UBE2A: variants seen among roughly 807,000 people sequenced by gnomAD.
UBE2A encodes ubiquitin-conjugating enzyme E2 A.
For missense variants in UBE2A, 27 were observed against 125.8 expected (o/e 0.21, Z 3.76); for synonymous variants, 39 against 41.1 (o/e 0.95, Z 0.20).
intron 3 of UBE2A, among the ~76,000 whole-genome samples, chrX:119,576,540 G>A (rs1167004846): frequency 9.0e-6 from 1 of 111,260 alleles, no homozygotes; most frequent in Non-Finnish European, 1.9e-5. Flanking sequence ...TCAGTTTGAA[G>A]GTGGGAACAA....
intron 3 of UBE2A, among the ~76,000 whole-genome samples, chrX:119,578,888 G>A (rs1014440265): frequency 8.9e-6 from 1 of 111,968 alleles, no homozygotes; most frequent in African/African-American, 3.2e-5. Context: ...TACAACAATG[G>A]TGAGGCTTAA....
chrX:119,581,303 G>T (rs750376217), intron 3 of UBE2A: 28 of 318,587 alleles, frequency 8.8e-5, no homozygotes, highest in South Asian at 3.7e-4. Flanking sequence ...CCAAGTTTGG[G>T]GGAAAATAAT....
At chrX:119,581,664 C>A (rs2053451516) in intron 4 of UBE2A, 68 bp downstream of exon 4, 2 of 898,517 alleles carry the variant, frequency 2.2e-6, no homozygotes, top group East Asian at 6.3e-5. Flanking sequence ...TCCACATTTC[C>A]TGTGTATTTT....
rs2053462556 is a variant in UBE2A at position 119,583,249 on chromosome X, T to C, written c.453T>C (p.Asp151=). The change falls in exon 6 of 6, where the codon GAT becomes GAC. Residue 151 remains aspartate, a synonymous_variant. Coordinates refer to ENST00000371558, the MANE Select transcript of UBE2A (RefSeq NM_003336.4). ...CAATAGTAGAACAAAGCTGGCGTGA[T>C]TGTTGACCCCGGGTACAGTTTAAAG... is the stretch of plus-strand genomic sequence containing the variant. ...VSAIVEQSWR[D]C 8.3e-7 allele frequency: 1 copy of C among 1,211,860 alleles called. No homozygotes were observed. The highest frequency in any genetic ancestry group is 1.1e-6 in the Non-Finnish European group (1 of 895,540).
intron 3 of UBE2A, among the ~76,000 whole-genome samples, chrX:119,578,184 T>C (rs767679140): frequency 8.9e-6 from 1 of 111,949 alleles, no homozygotes; most frequent in African/African-American, 3.2e-5. Context: ...GGTATTTTGG[T>C]TTAACTTCAC....
At position 119,582,643 on chromosome X, in the gene UBE2A, C is replaced by T; in HGVS notation, c.297C>T (p.Thr99=). ...TACTTCAGAACCGTTGGAGTCCAAC[C>T]TATGATGTGTCTTCCATTCTAACAT... ...LDILQNRWSP[T]YDVSSILTSI... is the part of the protein sequence containing the mutation. Residue 99 remains threonine (T), a synonymous_variant, in exon 5 of 6, where the codon ACC becomes ACT. Coordinates refer to ENST00000371558, the MANE Select transcript of UBE2A (RefSeq NM_003336.4). The T allele has an allele frequency of 8.3e-7, 1 of 1,208,936 alleles. No individual in the cohort carries two copies. Among genetic ancestry groups the T allele is most frequent in the Non-Finnish European group, 1.1e-6 (1 of 893,210 alleles).
intron 3 of UBE2A, chrX:119,575,753 GCAGAGACCC>G (rs2053412209): frequency 4.6e-6 from 1 of 218,046 alleles, no homozygotes; most frequent in Admixed American, 6.0e-5. Flanking sequence ...CTGATAGGCA[GCAGAGACCC>G]CAGAGACCAT....
intron 3 of UBE2A, chrX:119,577,004 A>C (rs1251693331): frequency 3.7e-5 from 4 of 108,892 alleles, no homozygotes; most frequent in African/African-American, 1.3e-4. Flanking sequence ...GCTCACTGCA[A>C]CCTCCGCCTC....
chrX:119,581,604 T>C lies in UBE2A; in HGVS notation c.241+8T>C. 1.7e-6 allele frequency: 2 copies of C among 1,146,471 alleles called. No individual in the cohort carries two copies. Among genetic ancestry groups the C allele is most frequent in the Non-Finnish European group, 2.4e-6 (2 of 835,747 alleles). 94.5% of individuals were successfully genotyped at this position (1,146,471 alleles called of 1,213,427 possible). A position where few individuals can be genotyped will look rare whatever the true frequency, so the allele number is the denominator to read the frequency against. On this transcript the variant is annotated splice_region_variant and intron_variant, in intron 4 of 5. Transcript: ENST00000371558. ...AGATGTTCCATCCAAATGGCAAGTA[T>C]CACTTTTAGTACAGTGTTTTAAACT... is the stretch of plus-strand genomic sequence containing the variant.
chrX:119,578,246 T>C lies in UBE2A; in HGVS notation c.151+2846T>C, dbSNP rs1409798675. On this transcript the variant is annotated intron_variant, in intron 3 of 5. Transcript: ENST00000371558. Reference sequence around the variant, plus strand: ...TCAAGAGCTTACACTACCAAAACATTGGGGAGAAATGCTTCCTCATCAGAA... The same window carrying C: ...TCAAGAGCTTACACTACCAAAACATCGGGGAGAAATGCTTCCTCATCAGAA... Among the ~76,000 whole-genome samples the C allele has an allele frequency of 2.7e-5, 3 of 111,426 alleles. No homozygotes were observed. The Admixed American group carries it at 2.9e-4, about 11-fold the overall frequency.
chrX:119,574,614 C>G lies in UBE2A; in HGVS notation c.-98C>G. On this transcript the variant is annotated 5_prime_UTR_variant, in exon 1 of 6. Coordinates refer to ENST00000371558, the MANE Select transcript of UBE2A (RefSeq NM_003336.4). Reference sequence around the variant, plus strand: ...AGCGCGGTTCCTCTGGGTGCTTCCGCCTCCCCTTCTCCTGCTTCTCCAGCC... The same window carrying G: ...AGCGCGGTTCCTCTGGGTGCTTCCGGCTCCCCTTCTCCTGCTTCTCCAGCC... The G allele has an allele frequency of 9.2e-7, 1 of 1,091,959 alleles. No individual in the cohort carries two copies. The highest frequency in any genetic ancestry group is 1.2e-6 in the Non-Finnish European group (1 of 809,764). The allele number at this position is 1,091,959 out of a possible 1,213,427, so 90.0% of individuals were successfully genotyped here.
At chrX:119,581,455 A>G in intron 3 of UBE2A, 52 bp from the exon 4 acceptor site, 2 of 951,531 alleles carry the variant, frequency 2.1e-6, no homozygotes, top group Middle Eastern at 3.3e-4. Flanking sequence ...ACAAAGTACT[A>G]CTGAACAAAG....
chrX:119,581,747 T>C, intron 4 of UBE2A, 151 bp downstream of exon 4: 6 of 484,296 alleles, frequency 1.2e-5, no homozygotes, highest in Non-Finnish European at 2.2e-5. Context: ...TGTCTGTGGC[T>C]GTCTTGTCCT....
Position 119,575,592 on chromosome X carries a change from T to G in UBE2A, c.151+192T>G, listed in dbSNP as rs995557650. On this transcript the variant is annotated intron_variant, in intron 3 of 5. Coordinates refer to ENST00000371558, the MANE Select transcript of UBE2A (RefSeq NM_003336.4). ...ATGCTTGACTAGAACTGCACCTTTC[T>G]TCTTGCTTTCTTAAAAAAAAAATCT... The G allele has an allele frequency of 3.1e-5, 14 of 448,388 alleles. No homozygotes were observed. The East Asian group carries it at 5.6e-4, about 18-fold the overall frequency. The allele number at this position is 448,388 out of a possible 1,213,427, so 37.0% of individuals were successfully genotyped here.
At chrX:119,581,823 CT>C (rs1310469034) in intron 4 of UBE2A, among the ~76,000 whole-genome samples, 1 of 112,313 alleles carries the variant, frequency 8.9e-6, no homozygotes, top group Non-Finnish European at 1.9e-5. Flanking sequence ...TTTTGATGAC[CT>C]TTGTCATTTA....
chrX:119,578,601 C>T (rs192226497), intron 3 of UBE2A, among the ~76,000 whole-genome samples: 1 of 111,353 alleles, frequency 9.0e-6, no homozygotes, highest in Admixed American at 9.5e-5. Context: ...TTGCTTTCTT[C>T]TCAGGGGTCA....
rs2053468557 is a variant in UBE2A, at chrX:119,583,780, T to A, written c.*525T>A. 8.2e-6 allele frequency: 1 copy of A among 121,898 alleles called. No homozygotes were observed. The highest frequency in any genetic ancestry group is 3.2e-5 in the African/African-American group (1 of 30,874). 10.0% of individuals were successfully genotyped at this position (121,898 alleles called of 1,213,427 possible). A position where few individuals can be genotyped will look rare whatever the true frequency, so the allele number is the denominator to read the frequency against. ...CTAAAAATCCTGTGATACTAAGATC[T>A]CAGTCATATGAATTACAACGTAGTA... is the stretch of plus-strand genomic sequence containing the variant. On this transcript the variant is annotated 3_prime_UTR_variant, in exon 6 of 6. Coordinates refer to ENST00000371558, the MANE Select transcript of UBE2A (RefSeq NM_003336.4).
chrX:119,576,060 C>A (rs1358229348), intron 3 of UBE2A, among the ~76,000 whole-genome samples: 1 of 111,995 alleles, frequency 8.9e-6, no homozygotes, highest in Admixed American at 9.5e-5. Context: ...CTTAATGTAC[C>A]CTTTTGATCA....
At chrX:119,575,482 T>C (rs1328977364) in intron 3 of UBE2A, 82 bp downstream of exon 3, 2 of 1,154,470 alleles carry the variant, frequency 1.7e-6, no homozygotes, top group East Asian at 6.0e-5. Flanking sequence ...AAGTGTCTCC[T>C]GCTTAGGAAC....
Sources: gnomAD v4.1 joint callset for allele counts (sites outside exome capture counted in the v4.1 genomes callset) on GRCh38, gnomAD v4.1.1 for gene constraint, MANE v1.5 for transcripts, NCBI Gene and HGNC (gene_info 2026-07-23, HGNC 2026-07-21) for gene names.